The following RB1 variants were observed in gnomAD, a reference collection of about 807,000 sequenced individuals.
The protein encoded by RB1 is RB transcriptional corepressor 1.
A neutral mutation model predicts 135.4 loss-of-function variants in RB1; 18 were observed. That is an observed-to-expected ratio of 0.13 (90% CI 0.09 to 0.20). The LOEUF is 0.20. Among genes scored for constraint, RB1 ranks in the 10% least tolerant of loss-of-function variants. The probability of loss-of-function intolerance (pLI) is 1.00; values close to 1 mark genes in which losing one functional copy is unlikely to be tolerated. For missense variants in RB1, 868 were observed against 1,110.0 expected (o/e 0.78, Z 3.10); for synonymous variants, 365 against 373.2 (o/e 0.98, Z 0.25).
chr13:48,397,795 T>A (rs1948660384), intron 17 of RB1, among the ~76,000 whole-genome samples: 1 of 152,168 alleles, frequency 6.6e-6, no homozygotes, highest in Non-Finnish European at 1.5e-5. Flanking sequence ...ATTTTAAGCT[T>A]TTTTGGTATT....
chr13:48,318,623 G>C, intron 2 of RB1: 2 of 607,420 alleles, frequency 3.3e-6, no homozygotes, highest in South Asian at 1.8e-5. Flanking sequence ...GGCTGTGGTC[G>C]GCATCCTGGC....
intron 17 of RB1, among the ~76,000 whole-genome samples, chr13:48,420,817 A>G (rs1948994222): frequency 6.6e-6 from 1 of 152,198 alleles, no homozygotes; most frequent in Non-Finnish European, 1.5e-5. Flanking sequence ...ATACCTAGGC[A>G]TACAACACAC....
chr13:48,338,753 CT>C (rs1186050206), intron 2 of RB1, among the ~76,000 whole-genome samples: 1 of 152,216 alleles, frequency 6.6e-6, no homozygotes, highest in East Asian at 1.9e-4. Context: ...GGGAGAGGCA[CT>C]CTGATTTTTA....
At chr13:48,404,473 A>G (rs755060689) in intron 17 of RB1, among the ~76,000 whole-genome samples, 18 of 152,006 alleles carry the variant, frequency 1.2e-4, no homozygotes, top group Admixed American at 6.6e-5. Context: ...AATGAAAACC[A>G]GGGGGCTTCA....
intron 6 of RB1, among the ~76,000 whole-genome samples, chr13:48,359,652 A>G (rs1255421153): frequency 6.7e-6 from 1 of 149,590 alleles, no homozygotes; most frequent in East Asian, 2.0e-4. Context: ...ATCATACTTC[A>G]AAATCTTTCT....
chr13:48,364,870 A>C, intron 8 of RB1, 24 bp from the exon 9 acceptor site: 1 of 1,546,116 alleles, frequency 6.5e-7, no homozygotes, highest in South Asian at 1.2e-5. Context: ...TTTAATGATC[A>C]TGTTGTAACT....
intron 9 of RB1, among the ~76,000 whole-genome samples, chr13:48,365,457 G>A (rs939221076): frequency 1.3e-5 from 2 of 152,150 alleles, no homozygotes; most frequent in Admixed American, 6.5e-5. Flanking sequence ...TTGCAGAAGT[G>A]TTTTACCTTA....
chr13:48,440,058 A>G (rs967933564), intron 17 of RB1, among the ~76,000 whole-genome samples: 2 of 152,154 alleles, frequency 1.3e-5, no homozygotes, highest in African/African-American at 4.8e-5. Flanking sequence ...GTAGGATTAC[A>G]TTAGAATCTG....
At chr13:48,437,697 A>G (rs540997963) in intron 17 of RB1, among the ~76,000 whole-genome samples, 1 of 152,280 alleles carries the variant, frequency 6.6e-6, no homozygotes, top group East Asian at 1.9e-4. Flanking sequence ...TCCCTGCCTC[A>G]ACCCCAGTGG....
intron 17 of RB1, among the ~76,000 whole-genome samples, chr13:48,402,132 G>A (rs1948697553): frequency 6.6e-6 from 1 of 151,972 alleles, no homozygotes; most frequent in African/African-American, 2.4e-5. Flanking sequence ...AATGAACATA[G>A]GATACACTAA....
intron 17 of RB1, among the ~76,000 whole-genome samples, chr13:48,390,373 T>G (rs991026614): frequency 6.6e-6 from 1 of 152,216 alleles, no homozygotes; most frequent in Non-Finnish European, 1.5e-5. Context: ...GGTAGTTTAC[T>G]GTATTTTAAG....
intron 17 of RB1, among the ~76,000 whole-genome samples, chr13:48,437,519 A>G (rs1277449977): frequency 6.6e-6 from 1 of 152,202 alleles, no homozygotes; most frequent in Non-Finnish European, 1.5e-5. Flanking sequence ...AGATTCTTAA[A>G]TTGTCAACCA....
intron 2 of RB1, among the ~76,000 whole-genome samples, chr13:48,330,733 G>A (rs1030497118): frequency 2.0e-5 from 3 of 152,266 alleles, no homozygotes; most frequent in Admixed American, 2.0e-4. Context: ...GACATTTGAA[G>A]AATACCAATC....
chr13:48,365,482 ATC>A (rs1952685107), intron 9 of RB1, among the ~76,000 whole-genome samples: 3 of 152,212 alleles, frequency 2.0e-5, no homozygotes. Flanking sequence ...TATTCCATCC[ATC>A]TACCTGTTTT....
Position 48,309,967 on chromosome 13 carries a change from A to G in RB1, c.264+2561A>G, listed in dbSNP as rs117127707. Among the ~76,000 whole-genome samples the G allele has an allele frequency of 5.5e-3, 836 of 152,184 alleles. 5 individuals carry two copies. The highest frequency in any genetic ancestry group is 0.01 in the Middle Eastern group (3 of 294). ...AATCTTATTTCCTAATGGAGCTCAT[A>G]ATGGGGACTAGGATGTGTGAAATTA... On this transcript the variant is annotated intron_variant, in intron 2 of 26. Coordinates refer to ENST00000267163, the MANE Select transcript of RB1 (RefSeq NM_000321.3).
At chr13:48,432,627 A>C (rs1043447102) in intron 17 of RB1, among the ~76,000 whole-genome samples, 2 of 152,092 alleles carry the variant, frequency 1.3e-5, no homozygotes, top group African/African-American at 2.4e-5. Context: ...ACCTCAAGAG[A>C]CTGAACTTTC....
At chr13:48,411,609 A>T (rs114372872) in intron 17 of RB1, 1 of 1,612,496 alleles carries the variant, frequency 6.2e-7, no homozygotes, top group Non-Finnish European at 8.5e-7. Context: ...GATTGGGTAC[A>T]TTGTCCTTAC....
chr13:48,328,895 T>A (rs1204565536), intron 2 of RB1, among the ~76,000 whole-genome samples: 3 of 152,208 alleles, frequency 2.0e-5, no homozygotes, highest in Non-Finnish European at 4.4e-5. Flanking sequence ...CCATTCTATA[T>A]AAATATAATA....
At chr13:48,387,323 C>T (rs1948578420) in intron 17 of RB1, among the ~76,000 whole-genome samples, 1 of 151,960 alleles carries the variant, frequency 6.6e-6, no homozygotes, top group Admixed American at 6.6e-5. Flanking sequence ...TAAATTTTCT[C>T]AAGTTCTTTT....
Sources: gnomAD v4.1 joint callset for allele counts (sites outside exome capture counted in the v4.1 genomes callset) on GRCh38, gnomAD v4.1.1 for gene constraint, MANE v1.5 for transcripts, NCBI Gene and HGNC (gene_info 2026-07-23, HGNC 2026-07-21) for gene names.